The following AGAP1 variants were observed in gnomAD, a reference collection of about 807,000 sequenced individuals.
AGAP1 encodes the protein arf-GAP with GTPase, ANK repeat and PH domain-containing protein 1.
AGAP1 carries 29 observed loss-of-function variants against 105.3 expected under a neutral mutation model. The ratio of observed to expected loss-of-function variants is 0.28; its 90% CI spans 0.21 to 0.38. AGAP1 has a LOEUF of 0.38. Among genes scored for constraint, AGAP1 ranks in the 10% least tolerant of loss-of-function variants. The pLI, the probability that AGAP1 is intolerant of heterozygous loss-of-function variation, is 1.00. For synonymous variants in AGAP1, 509 were observed against 485.9 expected (o/e 1.05, Z -0.63); for missense variants, 998 against 1,165.1 (o/e 0.86, Z 2.09).
intron 9 of AGAP1, among the ~76,000 whole-genome samples, chr2:235,878,091 G>A (rs545660407): frequency 6.6e-6 from 1 of 152,292 alleles, no homozygotes; most frequent in East Asian, 1.9e-4. Flanking sequence ...GCACACTGCT[G>A]CCCCTCAGGG....
At chr2:235,943,812 C>G (rs1346629560) in intron 12 of AGAP1, among the ~76,000 whole-genome samples, 1 of 152,180 alleles carries the variant, frequency 6.6e-6, no homozygotes, top group Non-Finnish European at 1.5e-5. Context: ...TGTGGCTGAG[C>G]AAGCCCACTG....
At chr2:235,548,512 G>A (rs747920529) in intron 1 of AGAP1, among the ~76,000 whole-genome samples, 9 of 152,124 alleles carry the variant, frequency 5.9e-5, no homozygotes, top group Non-Finnish European at 1.0e-4. Context: ...AATTAGCCAG[G>A]CGTGGTGGCA....
rs776099083 is a variant in AGAP1 at position 235,953,604 on chromosome 2, G to A, written c.1484-14858G>A. Among the ~76,000 whole-genome samples, 4 of 152,094 alleles carry A rather than the reference G, an allele frequency of 2.6e-5. No homozygotes were observed. Among genetic ancestry groups the A allele is most frequent in the Non-Finnish European group, 5.9e-5 (4 of 68,034 alleles). Reference sequence around the variant, plus strand: ...TCCCTGTCTTGACAGACTTGATTACGGAGCACCTATTTTGTGCATGGTGCT... The same window carrying A: ...TCCCTGTCTTGACAGACTTGATTACAGAGCACCTATTTTGTGCATGGTGCT... On this transcript the variant is annotated intron_variant, in intron 12 of 17. Transcript: ENST00000304032. This position sits in a 1 kb window ranked among gnomAD's most constrained non-coding sequence, Gnocchi z 5.2.
At chr2:235,810,195 A>G (rs571287663) in intron 9 of AGAP1, among the ~76,000 whole-genome samples, 2 of 152,240 alleles carry the variant, frequency 1.3e-5, no homozygotes, top group South Asian at 2.1e-4. Flanking sequence ...GCAGCAACAT[A>G]TTTCTCCAGG....
Position 236,009,834 on chromosome 2 carries a change from C to T in AGAP1, c.1646-26727C>T, listed in dbSNP as rs116810899. Among the ~76,000 whole-genome samples, 2,930 of 152,248 alleles carry T rather than the reference C, an allele frequency of 0.019. 88 individuals are homozygous for T. The highest frequency in any genetic ancestry group is 0.066 in the African/African-American group (2,725 of 41,528). Reference sequence around the variant, plus strand: ...CTGACGCGCCTTGGACACACAGCCTCGGCGCTGCATCATTTTTTAATCAGC... The same window carrying T: ...CTGACGCGCCTTGGACACACAGCCTTGGCGCTGCATCATTTTTTAATCAGC... On this transcript the variant is annotated intron_variant, in intron 13 of 17. Coordinates refer to ENST00000304032, the MANE Select transcript of AGAP1 (RefSeq NM_001037131.3). This position sits in a 1 kb window ranked among gnomAD's most constrained non-coding sequence, Gnocchi z 4.2.
chr2:236,029,848 C>T (rs1304119874), intron 13 of AGAP1, among the ~76,000 whole-genome samples: 2 of 152,144 alleles, frequency 1.3e-5, no homozygotes, highest in Non-Finnish European at 2.9e-5. Context: ...AAGTGAGCCT[C>T]CCACCTCAGC....
intron 12 of AGAP1, among the ~76,000 whole-genome samples, chr2:235,954,164 G>A (rs895758167): frequency 5.3e-5 from 8 of 151,796 alleles, no homozygotes; most frequent in Non-Finnish European, 1.2e-4. Flanking sequence ...GCTTGAACCC[G>A]GGAGGCAGAA....
intron 9 of AGAP1, among the ~76,000 whole-genome samples, chr2:235,861,219 T>C (rs1445533139): frequency 2.0e-5 from 3 of 152,230 alleles, no homozygotes; most frequent in Admixed American, 6.5e-5. Context: ...TGAGTAGTTT[T>C]TTTAAATGTG....
At chr2:235,781,481 A>T (rs1470118394) in intron 6 of AGAP1, among the ~76,000 whole-genome samples, 1 of 152,260 alleles carries the variant, frequency 6.6e-6, no homozygotes, top group Non-Finnish European at 1.5e-5. Flanking sequence ...ATGCTCTATG[A>T]TGCCTTTTCT....
chr2:236,003,786 C>T lies in AGAP1; in HGVS notation c.1646-32775C>T, dbSNP rs992752170. On this transcript the variant is annotated intron_variant, in intron 13 of 17. Coordinates refer to ENST00000304032, the MANE Select transcript of AGAP1 (RefSeq NM_001037131.3). This position sits in a 1 kb window ranked among gnomAD's most constrained non-coding sequence, Gnocchi z 4.2. ...TGGAGGGGTCACTGCTGTCCTACCA[C>T]TTTTTTTTTTTTCTGGAAGTTTGCA... Among the ~76,000 whole-genome samples, 1 of 146,932 alleles carries T rather than the reference C, an allele frequency of 6.8e-6. No homozygotes were observed. Among genetic ancestry groups the T allele is most frequent in the Non-Finnish European group, 1.5e-5 (1 of 66,316 alleles).
chr2:235,682,081 G>A (rs1285072216), intron 1 of AGAP1, among the ~76,000 whole-genome samples: 2 of 152,124 alleles, frequency 1.3e-5, no homozygotes, highest in Admixed American at 6.5e-5. Context: ...TCGAACTCCT[G>A]ACCTTGTGAT....
rs551982161 is a variant in AGAP1, at chr2:235,705,960, C to G, written c.164-3219C>G. 6.6e-6 allele frequency among the ~76,000 whole-genome samples: 1 copy of G among 152,288 alleles called. No individual in the cohort carries two copies. The highest frequency in any genetic ancestry group is 1.9e-4 in the East Asian group (1 of 5,174). On this transcript the variant is annotated intron_variant, in intron 1 of 17. Transcript: ENST00000304032. This position sits in a 1 kb window ranked among gnomAD's most constrained non-coding sequence, Gnocchi z 4.9. ...CAGCAGTGCATTGATGAATAGAGCT[C>G]ATTTTAATTCACAGTTTACCCTCTT... is the stretch of plus-strand genomic sequence containing the variant.
chr2:235,714,704 A>G lies in AGAP1; in HGVS notation c.223-2853A>G, dbSNP rs1951012272. ...ATCCATGAGCCATCACTCAGACAGC[A>G]GACCACGGTGGCCTGTAAATCACTG... On this transcript the variant is annotated intron_variant, in intron 2 of 17. Transcript: ENST00000304032. The surrounding 1 kb of genome is among the most constrained non-coding windows in gnomAD (Gnocchi z 4.1). Among the ~76,000 whole-genome samples the G allele has an allele frequency of 6.6e-6, 1 of 152,176 alleles. No individual in the cohort carries two copies.
rs530471001 is a variant in AGAP1, at chr2:235,744,418, G to A, written c.397-280G>A. Among the ~76,000 whole-genome samples the A allele has an allele frequency of 3.3e-5, 5 of 152,296 alleles. No homozygotes were observed. The highest frequency in any genetic ancestry group is 2.1e-4 in the South Asian group (1 of 4,826). ...CGGACAGGCCAGGAGCATGAGGACC[G>A]CGGGGACACTGTGTGGTTTGTGTCC... On this transcript the variant is annotated intron_variant, in intron 4 of 17. Coordinates refer to ENST00000304032, the MANE Select transcript of AGAP1 (RefSeq NM_001037131.3). The surrounding 1 kb of genome is among the most constrained non-coding windows in gnomAD (Gnocchi z 5.2).
chr2:235,785,713 T>A (rs1222241928), intron 6 of AGAP1, among the ~76,000 whole-genome samples: 1 of 152,224 alleles, frequency 6.6e-6, no homozygotes, highest in Non-Finnish European at 1.5e-5. Context: ...TGGCACGCTA[T>A]CATGTTGTTG....
intron 1 of AGAP1, among the ~76,000 whole-genome samples, chr2:235,653,499 T>TAAAATAAAATATAAC (rs1483953992): frequency 1.0e-4 from 13 of 130,248 alleles, no homozygotes; most frequent in African/African-American, 3.5e-4. Context: ...TAAAATAAAA[T>TAAAATAAAATATAAC]ATAACATAAC....
rs1220862853 is a variant in AGAP1 at position 236,120,047 on chromosome 2, C to A, written c.2115-145C>A. The A allele has an allele frequency of 1.7e-6, 2 of 1,174,844 alleles. No homozygotes were observed. The highest frequency in any genetic ancestry group is 2.5e-5 in the East Asian group (1 of 40,142). 72.8% of individuals were successfully genotyped at this position (1,174,844 alleles called of 1,614,324 possible). On this transcript the variant is annotated intron_variant, in intron 16 of 17. Coordinates refer to ENST00000304032, the MANE Select transcript of AGAP1 (RefSeq NM_001037131.3). The surrounding 1 kb of genome is among the most constrained non-coding windows in gnomAD (Gnocchi z 6.0). ...TTTGTGAAGGTGGATAAACGTTTCCCCCAGGGGGCTTTGTGCCGAGTGAAG... is the reference window on the plus strand; with the variant it reads ...TTTGTGAAGGTGGATAAACGTTTCCACCAGGGGGCTTTGTGCCGAGTGAAG...
At chr2:235,672,921 T>G (rs1338238285) in intron 1 of AGAP1, among the ~76,000 whole-genome samples, 1 of 152,226 alleles carries the variant, frequency 6.6e-6, no homozygotes, top group East Asian at 1.9e-4. Flanking sequence ...TTGTTCCTTG[T>G]GGTCAGTCCT....
At position 235,778,479 on chromosome 2, in the gene AGAP1, G is replaced by T. The variant is rs1311849581; in HGVS notation, c.674-19280G>T. On this transcript the variant is annotated intron_variant, in intron 6 of 17. Transcript: ENST00000304032. ...AAGAGTCCCTGTCCTCATGCTTCCT[G>T]CTCCGTGCTCTTCCTCCTGCCCCAG... is the stretch of plus-strand genomic sequence containing the variant. Among the ~76,000 whole-genome samples, 3 of 152,140 alleles carry T rather than the reference G, an allele frequency of 2.0e-5. No individual in the cohort carries two copies. The East Asian group carries it at 5.8e-4, about 29-fold the overall frequency.
Sources: gnomAD v4.1 joint callset for allele counts (sites outside exome capture counted in the v4.1 genomes callset) on GRCh38, gnomAD v4.1.1 for gene constraint, Gnocchi (gnomAD v3.1) non-coding constraint, MANE v1.5 for transcripts, NCBI Gene and HGNC (gene_info 2026-07-23, HGNC 2026-07-21) for gene names.